The following NCOA3 variants were observed in gnomAD, a reference collection of about 807,000 sequenced individuals.
NCOA3 encodes CBP-interacting protein.
Under a neutral mutation model 158.8 loss-of-function variants are expected in NCOA3, and 51 were observed. That is an observed-to-expected ratio of 0.32 (90% CI 0.26 to 0.41). The LOEUF is 0.41. Ranked by LOEUF, NCOA3 falls within the 10% of genes least tolerant of loss-of-function variation. The probability of loss-of-function intolerance (pLI) is 1.00; values close to 1 mark genes in which losing one functional copy is unlikely to be tolerated. For missense variants in NCOA3, 1,510 were observed against 1,746.6 expected (o/e 0.86, Z 2.41); for synonymous variants, 537 against 592.4 (o/e 0.91, Z 1.36).
chr20:47,565,885 T>A (rs1344116233), intron 1 of NCOA3, among the ~76,000 whole-genome samples: 1 of 152,202 alleles, frequency 6.6e-6, no homozygotes, highest in African/African-American at 2.4e-5. Flanking sequence ...CTAAAAGTGA[T>A]GTTGTATACT....
chr20:47,633,308 T>A (rs1046601146), intron 8 of NCOA3, among the ~76,000 whole-genome samples, 188 bp from the exon 9 acceptor site: 2 of 152,228 alleles, frequency 1.3e-5, no homozygotes, highest in Non-Finnish European at 2.9e-5. Flanking sequence ...GCAGAACATG[T>A]AGGGAGAATC....
At chr20:47,597,324 G>C (rs541028603) in intron 2 of NCOA3, among the ~76,000 whole-genome samples, 8 of 152,064 alleles carry the variant, frequency 5.3e-5, no homozygotes, top group African/African-American at 1.7e-4. Context: ...ACCATTCTTG[G>C]ATATTCTTTT....
At position 47,547,825 on chromosome 20, in the gene NCOA3, C is replaced by G. The variant is rs998813897; in HGVS notation, c.-98-35358C>G. On this transcript the variant is annotated intron_variant, in intron 1 of 22. Transcript: ENST00000371998. Reference sequence around the variant, plus strand: ...CCACCTCCTGGGTTCAAGCGATTGTCGTGCCTTAGCCTCCCGAGTAGCTAG... The same window carrying G: ...CCACCTCCTGGGTTCAAGCGATTGTGGTGCCTTAGCCTCCCGAGTAGCTAG... 3.0e-4 allele frequency among the ~76,000 whole-genome samples: 46 copies of G among 152,100 alleles called. 1 individual carries two copies. Among genetic ancestry groups the G allele is most frequent in the Admixed American group, 3.0e-3 (46 of 15,268 alleles).
At chr20:47,584,129 C>G (rs2085496357) in intron 2 of NCOA3, among the ~76,000 whole-genome samples, 1 of 151,762 alleles carries the variant, frequency 6.6e-6, no homozygotes, top group Non-Finnish European at 1.5e-5. Flanking sequence ...ACCCCCAGTT[C>G]TACAAAACAC....
chr20:47,572,084 C>G (rs1309179489), intron 1 of NCOA3, among the ~76,000 whole-genome samples: 1 of 152,134 alleles, frequency 6.6e-6, no homozygotes, highest in Non-Finnish European at 1.5e-5. Flanking sequence ...GAAGCAACCT[C>G]TTCTAACTTT....
At chr20:47,537,329 G>A (rs2084650799) in intron 1 of NCOA3, among the ~76,000 whole-genome samples, 1 of 146,940 alleles carries the variant, frequency 6.8e-6, no homozygotes, top group Admixed American at 7.1e-5. Flanking sequence ...TAAATTGAGT[G>A]TAATTTACTT....
rs2086821723 is a variant in NCOA3, at chr20:47,653,034, C to G, written c.4225C>G (p.Pro1409Ala). The stretch of plus-strand genomic sequence containing the variant: ...TCACATGGGACAGATGAACATGAAC[C>G]CCATGCCCATGTCTGGCATGCCTAT... ...SGHMGQMNMN[P>A]MPMSGMPMGP... is the part of the protein sequence containing the mutation. The change falls in exon 22 of 23, where the codon CCC (proline) becomes GCC (alanine). Residue 1409 changes from proline to alanine, a missense_variant. Transcript: ENST00000371998. 3 of 1,614,162 alleles carry G rather than the reference C, an allele frequency of 1.9e-6. No homozygotes were observed. In the East Asian group the frequency reaches 6.7e-5, roughly 36 times the overall value.
rs2086875534 is a variant in NCOA3 at position 47,656,418 on chromosome 20, G to A, written c.*3001G>A. On this transcript the variant is annotated 3_prime_UTR_variant, in exon 23 of 23. Coordinates refer to ENST00000371998, the MANE Select transcript of NCOA3 (RefSeq NM_181659.3). ...AGATAATTGGCTTGATGTCCTAGAA[G>A]TTCTTTGATCCAGAGGTGGGTGCAG... is the stretch of plus-strand genomic sequence containing the variant. 6.6e-6 allele frequency: 1 copy of A among 152,150 alleles called. No homozygotes were observed. The highest frequency in any genetic ancestry group is 2.4e-5 in the African/African-American group (1 of 41,442). The allele number at this position is 152,150 out of a possible 1,614,324, so 9.4% of individuals were successfully genotyped here.
intron 2 of NCOA3, among the ~76,000 whole-genome samples, chr20:47,595,103 C>CT (rs112571784): frequency 0.022 from 2,827 of 129,370 alleles, 43 homozygotes; most frequent in Non-Finnish European, 0.031. Context: ...TTAAAATGAC[C>CT]TTTTTTTTTT....
At position 47,635,728 on chromosome 20, in the gene NCOA3, A is replaced by G. The variant is rs749334923; in HGVS notation, c.1504+15A>G. The stretch of plus-strand genomic sequence containing the variant: ...TCCTGTTGCAGGTATTTGTGTTGAC[A>G]TTTCCTTTTATTTTTTTTCTTTTTA... On this transcript the variant is annotated intron_variant, in intron 11 of 22. Transcript: ENST00000371998. 6.3e-6 allele frequency: 10 copies of G among 1,581,546 alleles called. No homozygotes were observed. In the African/African-American group the frequency reaches 1.1e-4, roughly 17 times the overall value.
At chr20:47,617,260 C>T (rs2086155156) in intron 2 of NCOA3, among the ~76,000 whole-genome samples, 1 of 152,064 alleles carries the variant, frequency 6.6e-6, no homozygotes, top group Non-Finnish European at 1.5e-5. Flanking sequence ...CTGGCCTAGA[C>T]TGTTCTTACA....
intron 1 of NCOA3, among the ~76,000 whole-genome samples, chr20:47,532,110 T>TGTGTGTGTGTGTGTGTGTGTG (rs2084556564): frequency 6.8e-6 from 1 of 147,402 alleles, no homozygotes; most frequent in Non-Finnish European, 1.5e-5. Flanking sequence ...AGGGGGGGAC[T>TGTGTGTGTGTGTGTGTGTGTG]TGTGTGTGTG....
At chr20:47,653,365 C>G (rs1366055412) in intron 22 of NCOA3, 41 bp from the exon 23 acceptor site, 2 of 1,404,228 alleles carry the variant, frequency 1.4e-6, no homozygotes, top group Non-Finnish European at 2.0e-6. Context: ...ATGTGTTTTA[C>G]TCATTTTTTT....
intron 17 of NCOA3, among the ~76,000 whole-genome samples, chr20:47,642,858 T>C (rs778776799): frequency 3.9e-5 from 6 of 152,210 alleles, no homozygotes; most frequent in Non-Finnish European, 7.3e-5. Context: ...TACCCCGCCT[T>C]ATGAAAACAT....
chr20:47,598,986 T>C (rs529138448), intron 2 of NCOA3, among the ~76,000 whole-genome samples: 2 of 152,360 alleles, frequency 1.3e-5, no homozygotes, highest in Non-Finnish European at 2.9e-5. Flanking sequence ...GTATTACACT[T>C]GCCTGCGCTA....
intron 5 of NCOA3, among the ~76,000 whole-genome samples, 179 bp downstream of exon 5, chr20:47,625,660 A>T (rs1483179123): frequency 6.6e-6 from 1 of 152,216 alleles, no homozygotes; most frequent in Non-Finnish European, 1.5e-5. Flanking sequence ...TACAATATAC[A>T]TAATTCAGGA....
intron 1 of NCOA3, among the ~76,000 whole-genome samples, chr20:47,580,731 T>C (rs1364145386): frequency 6.6e-6 from 1 of 152,180 alleles, no homozygotes; most frequent in Admixed American, 6.5e-5. Flanking sequence ...AGAGGTTCTT[T>C]ACAGAAGTTC....
chr20:47,604,279 C>T (rs1602471990), intron 2 of NCOA3, among the ~76,000 whole-genome samples: 1 of 152,278 alleles, frequency 6.6e-6, no homozygotes, highest in East Asian at 1.9e-4. Context: ...TGAAATTGAG[C>T]TTCAGAGATG....
At chr20:47,553,667 C>G (rs1215429030) in intron 1 of NCOA3, among the ~76,000 whole-genome samples, 4 of 150,106 alleles carry the variant, frequency 2.7e-5, no homozygotes, top group East Asian at 2.0e-4. Context: ...TTTGTCCTTG[C>G]GATAGTTTGT....
Sources: allele counts gnomAD v4.1 joint callset (sites outside exome capture counted in the v4.1 genomes callset), GRCh38; gene constraint gnomAD v4.1.1; transcripts MANE v1.5; gene names NCBI Gene and HGNC (gene_info 2026-07-23, HGNC 2026-07-21).